Variants in ARF5 observed in about 807,000 individuals in gnomAD.
ARF5 encodes ARF GTPase 5.
Under a neutral mutation model 24.8 loss-of-function variants are expected in ARF5, and 10 were observed. That is an observed-to-expected ratio of 0.40 (90% confidence interval 0.25 to 0.68). ARF5 has a LOEUF of 0.68. Among genes scored for constraint, ARF5 ranks in the 30% least tolerant of loss-of-function variants. ARF5 has a pLI of 0.36. For missense variants in ARF5, 135 were observed against 239.2 expected (o/e 0.56, Z 2.87); for synonymous variants, 102 against 95.1 (o/e 1.07, Z -0.42).
chr7:127,588,426 C>G lies in ARF5; in HGVS notation c.-73C>G. On this transcript the variant is annotated 5_prime_UTR_variant, in exon 1 of 6. Coordinates refer to ENST00000000233, the MANE Select transcript of ARF5 (RefSeq NM_001662.4). ...GAGCCTCCTCCTGCTGCTGCTGCGC[C>G]CCATCCCCCCGCGGCCGGCCAGTTC... is the stretch of plus-strand genomic sequence containing the variant. 2.0e-6 allele frequency: 2 copies of G among 1,001,510 alleles called. No individual in the cohort carries two copies. The highest frequency in any genetic ancestry group is 2.6e-6 in the Non-Finnish European group (2 of 762,436). 62.0% of individuals were successfully genotyped at this position (1,001,510 alleles called of 1,614,324 possible). A position where few individuals can be genotyped will look rare whatever the true frequency, so the allele number is the denominator to read the frequency against.
chr7:127,591,282 G>A lies in ARF5; in HGVS notation c.526G>A (p.Glu176Lys), dbSNP rs774035808. The A allele has an allele frequency of 1.5e-5, 24 of 1,604,002 alleles. No homozygotes were observed. In the Admixed American group the frequency reaches 2.8e-4, roughly 19 times the overall value. ...LYDGLDWLSHELSKR is the reference protein window; with the variant it reads ...LYDGLDWLSHKLSKR ...CGATGGTCTGGACTGGCTGTCCCAC[G>A]AGCTGTCAAAGCGCTAACCAGCCAG... The change falls in exon 6 of 6, where the codon GAG becomes AAG. Residue 176 changes from glutamate (E) to lysine (K), a missense_variant. This residue lies in a region of ARF5 where 102 missense variants were observed against 160.9 expected (regional missense o/e 0.63). Transcript: ENST00000000233.
chr7:127,590,266 GAC>G, intron 4 of ARF5, 129 bp downstream of exon 4: 1 of 734,258 alleles, frequency 1.4e-6, no homozygotes, highest in Non-Finnish European at 2.4e-6. Context: ...TTTGTGGACA[GAC>G]ACATTGTGTA....
At chr7:127,589,210 T>G (rs745625623) in intron 2 of ARF5, 47 bp downstream of exon 2, 2 of 1,597,186 alleles carry the variant, frequency 1.3e-6, no homozygotes, top group African/African-American at 2.7e-5. Flanking sequence ...CGGCGGGCCC[T>G]CGCGGGGTCT....
At chr7:127,590,369 G>T (rs1365894412) in intron 4 of ARF5, among the ~76,000 whole-genome samples, 1 of 148,570 alleles carries the variant, frequency 6.7e-6, no homozygotes, top group African/African-American at 2.5e-5. Context: ...TTTTGCTGTT[G>T]TTGCCCAGGC....
chr7:127,588,636 C>T, intron 1 of ARF5, 71 bp downstream of exon 1: 1 of 1,278,346 alleles, frequency 7.8e-7, no homozygotes, highest in Non-Finnish European at 1.0e-6. Flanking sequence ...CCCCGCGTCC[C>T]TCCAGCCCCG....
intron 1 of ARF5, 176 bp downstream of exon 1, chr7:127,588,741 C>A: frequency 1.5e-6 from 1 of 663,086 alleles, no homozygotes; most frequent in Non-Finnish European, 2.3e-6. Flanking sequence ...GACCCCGGGG[C>A]CTGACACCCG....
At chr7:127,590,825 A>T in intron 4 of ARF5, 138 bp from the exon 5 acceptor site, 1 of 1,184,460 alleles carries the variant, frequency 8.4e-7, no homozygotes, top group Non-Finnish European at 1.2e-6. Context: ...AAGCTCATTT[A>T]CAACTATGTC....
At chr7:127,589,300 C>T (rs2117415146) in intron 2 of ARF5, 137 bp downstream of exon 2, 1 of 1,135,828 alleles carries the variant, frequency 8.8e-7, no homozygotes, top group Middle Eastern at 2.2e-4. Context: ...GGTATCTCTA[C>T]GTGGATACCG....
rs528774104 is a variant in ARF5 at position 127,588,717 on chromosome 7, C to G, written c.67+152C>G. 17 of 802,374 alleles carry G rather than the reference C, an allele frequency of 2.1e-5. No homozygotes were observed. In the South Asian group the frequency reaches 3.9e-4, roughly 19 times the overall value. 49.7% of individuals were successfully genotyped at this position (802,374 alleles called of 1,614,324 possible). ...GGGGCCTCTGCTCTCGGGCGGGTCC[C>G]GGTCTGCATCGCCGACCCCGGGGCC... is the stretch of plus-strand genomic sequence containing the variant. On this transcript the variant is annotated intron_variant, in intron 1 of 5. Coordinates refer to ENST00000000233, the MANE Select transcript of ARF5 (RefSeq NM_001662.4).
intron 4 of ARF5, among the ~76,000 whole-genome samples, chr7:127,590,629 G>T (rs569119478): frequency 1.3e-5 from 2 of 152,208 alleles, no homozygotes; most frequent in African/African-American, 2.4e-5. Flanking sequence ...CACTGCGCCC[G>T]GCCGCATTCT....
intron 1 of ARF5, 178 bp from the exon 2 acceptor site, chr7:127,588,905 G>A (rs1794242936): frequency 1.4e-6 from 1 of 700,336 alleles, no homozygotes. Flanking sequence ...GCCCTCTTTG[G>A]AGTTGGCTCA....
At position 127,591,590 on chromosome 7, in the gene ARF5, T is replaced by G; in HGVS notation, c.*291T>G. The G allele has an allele frequency of 2.6e-6, 1 of 383,636 alleles. No individual in the cohort carries two copies. 23.8% of individuals were successfully genotyped at this position (383,636 alleles called of 1,614,324 possible). ...CAGGGATCTGGGTTTCCTTTTTTTT[T>G]TCTGTTTTGGGTGTACTCTAGGGGC... On this transcript the variant is annotated 3_prime_UTR_variant, in exon 6 of 6. Coordinates refer to ENST00000000233, the MANE Select transcript of ARF5 (RefSeq NM_001662.4).
intron 1 of ARF5, 110 bp downstream of exon 1, chr7:127,588,675 C>A: frequency 9.5e-7 from 1 of 1,052,336 alleles, no homozygotes; most frequent in Non-Finnish European, 1.3e-6. Flanking sequence ...CCCGAGTCAC[C>A]CACCTCATAA....
Position 127,588,585 on chromosome 7 carries a change from C to G in ARF5, c.67+20C>G. The G allele has an allele frequency of 7.3e-7, 1 of 1,364,786 alleles. No homozygotes were observed. The highest frequency in any genetic ancestry group is 9.6e-7 in the Non-Finnish European group (1 of 1,046,246). The allele number at this position is 1,364,786 out of a possible 1,614,324, so 84.5% of individuals were successfully genotyped here. A position where few individuals can be genotyped will look rare whatever the true frequency, so the allele number is the denominator to read the frequency against. On this transcript the variant is annotated intron_variant, in intron 1 of 5. Coordinates refer to ENST00000000233, the MANE Select transcript of ARF5 (RefSeq NM_001662.4). ...TCATGGGTGAGGCAGATCGAGCGCG[C>G]GGCCCGGACCGGGGCGCCGGCCCCG...
chr7:127,588,472 T>TCCA lies in ARF5; in HGVS notation c.-27_-26insCCA. The TCCA allele has an allele frequency of 7.1e-7, 1 of 1,416,108 alleles. No individual in the cohort carries two copies. The allele number at this position is 1,416,108 out of a possible 1,614,324, so 87.7% of individuals were successfully genotyped here. ...AGTTCCAGCCCGCACCCCGCGTCGG[T>TCCA]GCCCGCGCCCCTCCCCGGGCCCCGC... On this transcript the variant is annotated 5_prime_UTR_variant, in exon 1 of 6. Transcript: ENST00000000233.
At chr7:127,590,863 CTT>C (rs542197141) in intron 4 of ARF5, 98 bp from the exon 5 acceptor site, 2 of 1,435,728 alleles carry the variant, frequency 1.4e-6, no homozygotes, top group African/African-American at 1.4e-5. Flanking sequence ...CTGCACAATA[CTT>C]TTTTTTTCCA....
Position 127,588,461 on chromosome 7 carries a change from C to G in ARF5, c.-38C>G. On this transcript the variant is annotated 5_prime_UTR_variant, in exon 1 of 6. Transcript: ENST00000000233. ...CGCGGCCGGCCAGTTCCAGCCCGCA[C>G]CCCGCGTCGGTGCCCGCGCCCCTCC... 7.2e-6 allele frequency: 10 copies of G among 1,389,942 alleles called. No homozygotes were observed. The highest frequency in any genetic ancestry group is 1.5e-5 in the African/African-American group (1 of 67,202). 86.1% of individuals were successfully genotyped at this position (1,389,942 alleles called of 1,614,324 possible). A position where few individuals can be genotyped will look rare whatever the true frequency, so the allele number is the denominator to read the frequency against.
chr7:127,588,446 C>A lies in ARF5; in HGVS notation c.-53C>A, dbSNP rs1021949675. The A allele has an allele frequency of 1.6e-6, 2 of 1,260,056 alleles. No individual in the cohort carries two copies. The highest frequency in any genetic ancestry group is 3.1e-5 in the East Asian group (1 of 32,018). 78.1% of individuals were successfully genotyped at this position (1,260,056 alleles called of 1,614,324 possible). On this transcript the variant is annotated 5_prime_UTR_variant, in exon 1 of 6. Coordinates refer to ENST00000000233, the MANE Select transcript of ARF5 (RefSeq NM_001662.4). ...TGCGCCCCATCCCCCCGCGGCCGGC[C>A]AGTTCCAGCCCGCACCCCGCGTCGG...
chr7:127,590,975 G>A lies in ARF5; in HGVS notation c.343G>A (p.Glu115Lys). ...TCTCCTCTCTCAGCTGCAGGAGGAC[G>A]AGCTGCGGGATGCAGTGCTGCTGGT... ...DELQKMLQEDELRDAVLLVFA... is the reference protein window; with the variant it reads ...DELQKMLQEDKLRDAVLLVFA... Residue 115 changes from glutamate (E) to lysine (K), a missense_variant, in exon 5 of 6, where the codon GAG becomes AAG. By Grantham distance (56) the Glu-to-Lys change is moderately conservative. Coordinates refer to ENST00000000233, the MANE Select transcript of ARF5 (RefSeq NM_001662.4). The A allele has an allele frequency of 1.9e-6, 3 of 1,613,376 alleles. No homozygotes were observed. Among genetic ancestry groups the A allele is most frequent in the East Asian group, 2.2e-5 (1 of 44,860 alleles).
Sources: gnomAD v4.1 joint callset for allele counts (sites outside exome capture counted in the v4.1 genomes callset) on GRCh38, gnomAD v4.1.1 for gene constraint, gnomAD v4.1.1 regional missense constraint, MANE v1.5 for transcripts, NCBI Gene and HGNC (gene_info 2026-07-23, HGNC 2026-07-21) for gene names.